The following RIMKLB variants were observed in gnomAD, a reference collection of about 807,000 sequenced individuals.
RIMKLB encodes ribosomal modification protein rimK like family member B, also known as beta-citrylglutamate synthase B.
Under a neutral mutation model 32.0 loss-of-function variants are expected in RIMKLB, and 7 were observed. The ratio of observed to expected loss-of-function variants is 0.22; its 90% CI spans 0.12 to 0.41. The LOEUF is 0.41. RIMKLB is among the 10% of genes least tolerant of loss of function. The pLI is 1.00. For synonymous variants in RIMKLB, 172 were observed against 185.1 expected, an observed-to-expected ratio of 0.93 and a Z score of 0.57; for missense variants, 289 against 498.7, an observed-to-expected ratio of 0.58 and a Z score of 4.00.
At chr12:8,690,066 CTT>C (rs772761740) in intron 1 of RIMKLB, among the ~76,000 whole-genome samples, 55 of 152,322 alleles carry the variant, frequency 3.6e-4, no homozygotes, top group Middle Eastern at 3.4e-3. Flanking sequence ...GCTAAACCCT[CTT>C]TGTCCCAGCA....
chr12:8,705,851 G>C (rs1251730258), intron 1 of RIMKLB, among the ~76,000 whole-genome samples: 1 of 152,142 alleles, frequency 6.6e-6, no homozygotes, highest in Non-Finnish European at 1.5e-5. Flanking sequence ...CTGTGAGTCT[G>C]TCTATAAGTC....
chr12:8,708,805 A>G (rs1317312085), intron 1 of RIMKLB, among the ~76,000 whole-genome samples: 2 of 152,226 alleles, frequency 1.3e-5, no homozygotes, highest in African/African-American at 4.8e-5. Context: ...TTGCCTGAGT[A>G]TTCCAAGATG....
chr12:8,779,456 C>T (rs905172680), downstream of RIMKLB: 9 of 152,204 alleles, frequency 5.9e-5, no homozygotes. Flanking sequence ...CCTGACATCA[C>T]CAACTCTCCT....
intron 2 of RIMKLB, among the ~76,000 whole-genome samples, chr12:8,731,870 A>C (rs1224646191): frequency 6.6e-6 from 1 of 151,898 alleles, no homozygotes; most frequent in African/African-American, 2.4e-5. Flanking sequence ...GTCATTTCAG[A>C]TTGCTTTATC....
intron 1 of RIMKLB, among the ~76,000 whole-genome samples, chr12:8,699,364 C>G (rs1943183201): frequency 6.6e-6 from 1 of 151,900 alleles, no homozygotes; most frequent in South Asian, 2.1e-4. Context: ...ATTTTTGTTA[C>G]TTTCACAATA....
chr12:8,689,099 G>T (rs1422560084), intron 1 of RIMKLB, among the ~76,000 whole-genome samples: 3 of 152,332 alleles, frequency 2.0e-5, no homozygotes, highest in Non-Finnish European at 4.4e-5. Context: ...GCCTCCAAAA[G>T]TGCTGGGATT....
Position 8,714,232 on chromosome 12 carries a change from G to A in RIMKLB, c.175+191G>A, listed in dbSNP as rs1348132248. On this transcript the variant is annotated intron_variant, in intron 2 of 5. Coordinates refer to ENST00000535829, the MANE Select transcript of RIMKLB (RefSeq NM_001297776.2). Reference sequence around the variant, plus strand: ...TTATTAACTTTATTAGGAAACAGTTGTGAGGGAAATTAAAGGTGACCTTCA... The same window carrying A: ...TTATTAACTTTATTAGGAAACAGTTATGAGGGAAATTAAAGGTGACCTTCA... 6.4e-5 allele frequency: 33 copies of A among 512,438 alleles called. No individual in the cohort carries two copies. The East Asian group carries it at 1.0e-3, about 16-fold the overall frequency. 31.7% of individuals were successfully genotyped at this position (512,438 alleles called of 1,614,324 possible). A position where few individuals can be genotyped will look rare whatever the true frequency, so the allele number is the denominator to read the frequency against.
intron 1 of RIMKLB, among the ~76,000 whole-genome samples, chr12:8,686,356 C>G (rs919546342): frequency 6.6e-6 from 1 of 151,954 alleles, no homozygotes; most frequent in Non-Finnish European, 1.5e-5. Context: ...GTGCAGTAGC[C>G]CGATCTCTGC....
At chr12:8,739,880 A>G (rs1483210564) in intron 2 of RIMKLB, among the ~76,000 whole-genome samples, 4 of 152,116 alleles carry the variant, frequency 2.6e-5, no homozygotes, top group African/African-American at 9.7e-5. Flanking sequence ...GGGGGACACA[A>G]ACATTGAAAT....
Position 8,774,381 on chromosome 12 carries a change from CA to C in RIMKLB, c.*599del, listed in dbSNP as rs1950608058. ...GTGGGAGGTCAAATTGAATATAACC[CA>C]ATAAAGGCTTCTTAATGACAAAATT... On this transcript the variant is annotated 3_prime_UTR_variant, in exon 6 of 6. Transcript: ENST00000535829. 2.0e-6 allele frequency: 2 copies of C among 985,330 alleles called. No homozygotes were observed. The highest frequency in any genetic ancestry group is 6.1e-5 in the Admixed American group (1 of 16,266). The allele number at this position is 985,330 out of a possible 1,614,324, so 61.0% of individuals were successfully genotyped here.
Position 8,775,639 on chromosome 12 carries a change from G to A in RIMKLB, c.*1855G>A. 2 of 985,742 alleles carry A rather than the reference G, an allele frequency of 2.0e-6. No individual in the cohort carries two copies. Among genetic ancestry groups the A allele is most frequent in the South Asian group, 9.4e-5 (2 of 21,286 alleles). 61.1% of individuals were successfully genotyped at this position (985,742 alleles called of 1,614,324 possible). A position where few individuals can be genotyped will look rare whatever the true frequency, so the allele number is the denominator to read the frequency against. On this transcript the variant is annotated 3_prime_UTR_variant, in exon 6 of 6. Coordinates refer to ENST00000535829, the MANE Select transcript of RIMKLB (RefSeq NM_001297776.2). ...CCAGCTATAACAGAGGTTTGATCAT[G>A]CTTACTTGTACAGTTTTTCCCCCGT...
intron 1 of RIMKLB, among the ~76,000 whole-genome samples, chr12:8,706,549 C>T (rs1371821930): frequency 1.3e-5 from 2 of 150,450 alleles, no homozygotes; most frequent in Non-Finnish European, 2.9e-5. Flanking sequence ...CTCCTGGGTT[C>T]AAGCGATTCT....
At chr12:8,782,879 A>G (rs1452751012) in intron 7 of RIMKLB, 2 of 152,156 alleles carry the variant, frequency 1.3e-5, no homozygotes, top group African/African-American at 2.4e-5. Context: ...TTTAAAATCT[A>G]TGATTTAAAT....
chr12:8,688,170 T>C (rs780726142), intron 1 of RIMKLB, among the ~76,000 whole-genome samples: 35 of 152,196 alleles, frequency 2.3e-4, no homozygotes, highest in Non-Finnish European at 3.4e-4. Flanking sequence ...CCTGTATGAA[T>C]TGCTGACTGC....
At chr12:8,781,537 T>A (rs936988640), downstream of RIMKLB, among the ~76,000 whole-genome samples, 1 of 152,186 alleles carries the variant, frequency 6.6e-6, no homozygotes. Flanking sequence ...CCTGTTCACC[T>A]TTCTCTCTTG....
chr12:8,774,463 A>T lies in RIMKLB; in HGVS notation c.*679A>T. The stretch of plus-strand genomic sequence containing the variant: ...CAGTATTGCAATGTCCGGTATACAA[A>T]ATAACATTAATTCAATGTAGATAAA... On this transcript the variant is annotated 3_prime_UTR_variant, in exon 6 of 6. Transcript: ENST00000535829. 1.0e-6 allele frequency: 1 copy of T among 985,230 alleles called. No homozygotes were observed. Among genetic ancestry groups the T allele is most frequent in the Non-Finnish European group, 1.2e-6 (1 of 829,342 alleles). The allele number at this position is 985,230 out of a possible 1,614,324, so 61.0% of individuals were successfully genotyped here.
intron 2 of RIMKLB, among the ~76,000 whole-genome samples, chr12:8,739,995 G>A (rs929588501): frequency 6.6e-6 from 1 of 152,034 alleles, no homozygotes; most frequent in Non-Finnish European, 1.5e-5. Flanking sequence ...AGCAACCTCC[G>A]CCTCTTGGGT....
chr12:8,724,568 C>T (rs1034343939), intron 2 of RIMKLB, among the ~76,000 whole-genome samples: 1 of 152,122 alleles, frequency 6.6e-6, no homozygotes, highest in African/African-American at 2.4e-5. Context: ...GCAGAGATTT[C>T]TGTATGGTGT....
At chr12:8,705,452 G>A (rs772887024) in intron 1 of RIMKLB, among the ~76,000 whole-genome samples, 1 of 148,104 alleles carries the variant, frequency 6.8e-6, no homozygotes, top group African/African-American at 2.5e-5. Flanking sequence ...ACTCCAGCCT[G>A]GGTGACAGAT....
Sources: gnomAD v4.1 joint callset for allele counts (sites outside exome capture counted in the v4.1 genomes callset) on GRCh38, gnomAD v4.1.1 for gene constraint, MANE v1.5 for transcripts, NCBI Gene and HGNC (gene_info 2026-07-23, HGNC 2026-07-21) for gene names.